Variants in LINGO2 observed in about 807,000 individuals in gnomAD.
LINGO2 encodes leucine-rich repeat and immunoglobulin-like domain-containing nogo receptor-interacting protein 2.
LINGO2 carries 14 observed loss-of-function variants against 30.6 expected under a neutral mutation model. That is an observed-to-expected ratio of 0.46 (90% CI 0.30 to 0.72). The LOEUF is 0.72. Ranked by LOEUF, LINGO2 falls within the 30% of genes least tolerant of loss-of-function variation. LINGO2 has a pLI of 0.07. For missense variants in LINGO2, 729 were observed against 751.7 expected (o/e 0.97, Z 0.35); for synonymous variants, 317 against 288.5 (o/e 1.10, Z -1.00).
At chr9:28,563,671 G>A (rs562232637) in intron 1 of LINGO2, among the ~76,000 whole-genome samples, 17 of 152,220 alleles carry the variant, frequency 1.1e-4, no homozygotes, top group African/African-American at 4.1e-4. Flanking sequence ...TTTCTCTGTT[G>A]AAACTCTTAA....
intron 4 of LINGO2, among the ~76,000 whole-genome samples, chr9:28,039,249 CTTAATT>C (rs1316963034): frequency 2.0e-5 from 3 of 152,132 alleles, no homozygotes; most frequent in East Asian, 3.8e-4. Context: ...AGGCTGCACC[CTTAATT>C]TTAAGAAATT....
intron 4 of LINGO2, among the ~76,000 whole-genome samples, chr9:28,242,539 A>G (rs1239386910): frequency 2.0e-5 from 3 of 152,162 alleles, no homozygotes; most frequent in Admixed American, 1.3e-4. Flanking sequence ...ATTCAAGTTG[A>G]AAAACACACT....
chr9:28,794,319 AAAACC>A, the LINGO2 span, among the ~76,000 whole-genome samples: 1 of 152,052 alleles, frequency 6.6e-6, no homozygotes, highest in Non-Finnish European at 1.5e-5. Context: ...AAAACAAAAC[AAAACC>A]AAAACACACA....
intron 3 of LINGO2, among the ~76,000 whole-genome samples, chr9:28,362,531 C>T (rs1406240301): frequency 1.3e-5 from 2 of 151,382 alleles, no homozygotes; most frequent in Non-Finnish European, 2.9e-5. Flanking sequence ...AGTGCAATGG[C>T]GTGATCTCAG....
chr9:28,590,150 T>C (rs1824800223), intron 1 of LINGO2, among the ~76,000 whole-genome samples: 1 of 152,038 alleles, frequency 6.6e-6, no homozygotes. Context: ...ATACAAAAAT[T>C]AATTCAAGAT....
At chr9:28,261,635 C>A (rs1439413016) in intron 4 of LINGO2, among the ~76,000 whole-genome samples, 1 of 151,710 alleles carries the variant, frequency 6.6e-6, no homozygotes, top group Non-Finnish European at 1.5e-5. Context: ...GTGACAAATA[C>A]CCCTAGAGAC....
chr9:27,970,586 T>C lies in LINGO2; in HGVS notation c.-35-19880A>G, dbSNP rs144378119. 3.3e-5 allele frequency among the ~76,000 whole-genome samples: 5 copies of C among 152,286 alleles called. No individual in the cohort carries two copies. The East Asian group carries it at 9.7e-4, about 30-fold the overall frequency. On this transcript the variant is annotated intron_variant, in intron 5 of 5. Coordinates refer to ENST00000379992, the Ensembl canonical transcript of LINGO2. ...AACCCTGAGTAAACATTGATTTTTG[T>C]GTTCCATTTTTGCTGTAGAAAGAGT...
the LINGO2 span, among the ~76,000 whole-genome samples, chr9:28,768,566 C>T: frequency 6.6e-6 from 1 of 150,988 alleles, no homozygotes; most frequent in Admixed American, 6.6e-5. Context: ...AGATGTTCAC[C>T]TCTAGGGTTT....
the LINGO2 span, among the ~76,000 whole-genome samples, chr9:28,767,785 C>CAAA: frequency 1.6e-3 from 152 of 96,946 alleles, no homozygotes; most frequent in African/African-American, 3.8e-3. Context: ...GACTCCATTT[C>CAAA]AAAAAAAAAA....
At chr9:28,804,853 G>T in the LINGO2 span, among the ~76,000 whole-genome samples, 1 of 152,032 alleles carries the variant, frequency 6.6e-6, no homozygotes, top group South Asian at 2.1e-4. Flanking sequence ...TATTCCTAGT[G>T]CTTCTTAAGA....
intron 2 of LINGO2, among the ~76,000 whole-genome samples, chr9:28,418,567 G>T (rs1050286517): frequency 1.3e-5 from 2 of 152,016 alleles, no homozygotes; most frequent in African/African-American, 4.8e-5. Context: ...GTGAGCCACC[G>T]TGCCCAGACG....
chr9:28,766,041 T>A, the LINGO2 span, among the ~76,000 whole-genome samples: 1 of 152,034 alleles, frequency 6.6e-6, no homozygotes, highest in Admixed American at 6.6e-5. Flanking sequence ...TTGGCAGTGA[T>A]TTTTCAAATA....
chr9:28,332,287 G>A (rs1031587888), intron 3 of LINGO2, among the ~76,000 whole-genome samples: 2 of 151,896 alleles, frequency 1.3e-5, no homozygotes, highest in African/African-American at 4.8e-5. Flanking sequence ...CAAAGTAATT[G>A]TGGTCTTGCC....
At chr9:27,978,145 A>T (rs2118865315) in intron 5 of LINGO2, among the ~76,000 whole-genome samples, 1 of 152,136 alleles carries the variant, frequency 6.6e-6, no homozygotes, top group Admixed American at 6.5e-5. Flanking sequence ...AAATGTAAGA[A>T]CACTTCAGCT....
At chr9:28,631,670 T>C (rs1040650530) in intron 1 of LINGO2, among the ~76,000 whole-genome samples, 2 of 152,050 alleles carry the variant, frequency 1.3e-5, no homozygotes, top group African/African-American at 2.4e-5. Context: ...TGAGGAGTCC[T>C]TAGGTACAGA....
intron 2 of LINGO2, among the ~76,000 whole-genome samples, chr9:28,450,533 G>T (rs1361320435): frequency 2.0e-5 from 3 of 151,964 alleles, no homozygotes; most frequent in East Asian, 3.9e-4. Flanking sequence ...GGATCCTTTT[G>T]CTCCTTTTAA....
the LINGO2 span, among the ~76,000 whole-genome samples, chr9:29,048,348 C>T: frequency 1.1e-4 from 16 of 151,590 alleles, no homozygotes; most frequent in Admixed American, 2.6e-4. Flanking sequence ...AAAAATATTC[C>T]ATGTTCATGG....
intron 1 of LINGO2, among the ~76,000 whole-genome samples, chr9:28,635,134 T>C (rs1175818677): frequency 1.3e-5 from 2 of 152,240 alleles, no homozygotes; most frequent in Non-Finnish European, 2.9e-5. Context: ...TCATTCACTC[T>C]TGAAACTTTC....
At chr9:28,307,137 T>G (rs967101281) in intron 3 of LINGO2, among the ~76,000 whole-genome samples, 5 of 152,162 alleles carry the variant, frequency 3.3e-5, no homozygotes, top group African/African-American at 1.2e-4. Flanking sequence ...AAAAGAGAAT[T>G]TTAGATCAAT....
Sources: allele counts gnomAD v4.1 joint callset (sites outside exome capture counted in the v4.1 genomes callset), GRCh38; gene constraint gnomAD v4.1.1; transcripts MANE v1.5; gene names NCBI Gene and HGNC (gene_info 2026-07-23, HGNC 2026-07-21).